Variants in ATP8A2 observed in about 807,000 individuals in gnomAD.
ATP8A2 encodes the protein ATPase phospholipid transporting 8A2, also known as phospholipid-transporting ATPase IB.
In ATP8A2, 100 loss-of-function variants were observed where a neutral mutation model predicts 165.6. The ratio of observed to expected loss-of-function variants is 0.60; its 90% CI spans 0.51 to 0.71. The LOEUF is 0.71. Ranked by LOEUF, ATP8A2 falls within the 30% of genes least tolerant of loss-of-function variation. The pLI is 0.00. For synonymous variants in ATP8A2, 543 were observed against 548.8 expected, an observed-to-expected ratio of 0.99 and a Z score of 0.15; for missense variants, 1,227 against 1,479.5, an observed-to-expected ratio of 0.83 and a Z score of 2.80.
At chr13:25,731,937 A>G (rs994849906) in intron 25 of ATP8A2, among the ~76,000 whole-genome samples, 10 of 152,202 alleles carry the variant, frequency 6.6e-5, no homozygotes, top group African/African-American at 2.4e-4. Flanking sequence ...AAGATGATAA[A>G]TGGAAACTGG....
intron 24 of ATP8A2, among the ~76,000 whole-genome samples, chr13:25,666,536 G>A (rs994350985): frequency 5.9e-5 from 9 of 152,102 alleles, no homozygotes; most frequent in African/African-American, 9.7e-5. Context: ...CACCACGCCC[G>A]GCCAGAATAT....
intron 1 of ATP8A2, among the ~76,000 whole-genome samples, chr13:25,442,214 A>T (rs150281088): frequency 6.6e-6 from 1 of 152,324 alleles, no homozygotes; most frequent in African/African-American, 2.4e-5. Flanking sequence ...GGGTGTACAA[A>T]TATATCTTTG....
intron 33 of ATP8A2, among the ~76,000 whole-genome samples, 192 bp downstream of exon 33, chr13:25,862,600 A>G (rs2138767242): frequency 6.6e-6 from 1 of 152,354 alleles, no homozygotes; most frequent in African/African-American, 2.4e-5. Flanking sequence ...TCCAGTCCAC[A>G]GAAAAGGCAT....
chr13:25,822,939 T>A (rs937458945), intron 27 of ATP8A2, among the ~76,000 whole-genome samples: 10 of 152,240 alleles, frequency 6.6e-5, no homozygotes, highest in African/African-American at 2.4e-4. Flanking sequence ...CTTTTCCAAA[T>A]ACTATGGTAA....
chr13:25,420,668 AC>A (rs1211491277), intron 1 of ATP8A2, among the ~76,000 whole-genome samples: 1 of 152,214 alleles, frequency 6.6e-6, no homozygotes, highest in East Asian at 1.9e-4. Context: ...TACCTATGTA[AC>A]AAGCCTGCAC....
At chr13:25,511,527 C>T (rs945301425) in intron 2 of ATP8A2, among the ~76,000 whole-genome samples, 1 of 152,092 alleles carries the variant, frequency 6.6e-6, no homozygotes, top group Non-Finnish European at 1.5e-5. Flanking sequence ...TGTTGAAGAA[C>T]ATCTTGCAGT....
chr13:25,531,300 TATATATG>T (rs1566229526), intron 4 of ATP8A2, among the ~76,000 whole-genome samples: 1 of 111,712 alleles, frequency 9.0e-6, no homozygotes, highest in African/African-American at 3.7e-5. Context: ...ATATATATGT[TATATATG>T]ATATATATGT....
chr13:25,762,881 A>G (rs964491093), intron 25 of ATP8A2, among the ~76,000 whole-genome samples: 1 of 152,220 alleles, frequency 6.6e-6, no homozygotes, highest in African/African-American at 2.4e-5. Flanking sequence ...TAAAAAGTGA[A>G]TTCTTAAAAC....
In ATP8A2 at chr13:25,914,447, A is replaced by G. The variant is rs940578437; in HGVS notation, c.3184-47128A>G. Among the ~76,000 whole-genome samples the G allele has an allele frequency of 2.6e-5, 4 of 152,140 alleles. No individual in the cohort carries two copies. The East Asian group carries it at 5.8e-4, about 22-fold the overall frequency. ...TTGAAAATAAAATCTATTTTCTACAACCTGTGTACTGATGAGCACCCTTAT... is the reference window on the plus strand; with the variant it reads ...TTGAAAATAAAATCTATTTTCTACAGCCTGTGTACTGATGAGCACCCTTAT... On this transcript the variant is annotated intron_variant, in intron 33 of 36. Coordinates refer to ENST00000381655, the MANE Select transcript of ATP8A2 (RefSeq NM_016529.6).
intron 26 of ATP8A2, among the ~76,000 whole-genome samples, chr13:25,772,792 T>C (rs2044653615): frequency 6.6e-6 from 1 of 152,000 alleles, no homozygotes; most frequent in Non-Finnish European, 1.5e-5. Context: ...TCACTCATGT[T>C]GCCCAGGCTG....
At chr13:25,630,821 A>C (rs76871393) in intron 24 of ATP8A2, among the ~76,000 whole-genome samples, 5,223 of 152,172 alleles carry the variant, frequency 0.034, 154 homozygotes, top group East Asian at 0.13. Context: ...ACCAAAGGCA[A>C]CTGCATCATC....
At chr13:25,803,247 G>A (rs1010994714) in intron 27 of ATP8A2, among the ~76,000 whole-genome samples, 1 of 152,112 alleles carries the variant, frequency 6.6e-6, no homozygotes, top group Non-Finnish European at 1.5e-5. Flanking sequence ...TATGTGGTCA[G>A]GTTTCATGGC....
intron 2 of ATP8A2, among the ~76,000 whole-genome samples, chr13:25,484,040 A>C (rs1463978402): frequency 6.6e-6 from 1 of 152,212 alleles, no homozygotes; most frequent in Admixed American, 6.5e-5. Context: ...TCTTTTGTAC[A>C]TATATGTTTT....
At chr13:25,528,777 C>T (rs61948614) in intron 2 of ATP8A2, among the ~76,000 whole-genome samples, 28,388 of 65,726 alleles carry the variant, frequency 0.43, 6,413 homozygotes, top group African/African-American at 0.56. Flanking sequence ...TGTGTATGCA[C>T]ACATATGCAA....
At chr13:25,674,851 C>A (rs2042340849) in intron 24 of ATP8A2, among the ~76,000 whole-genome samples, 1 of 152,196 alleles carries the variant, frequency 6.6e-6, no homozygotes. Context: ...TAGAATTAAA[C>A]CAAATCCAAA....
intron 33 of ATP8A2, chr13:25,880,776 A>C: frequency 2.6e-6 from 1 of 391,160 alleles, no homozygotes; most frequent in South Asian, 2.0e-5. Flanking sequence ...AGCATAAGTT[A>C]ATCTTTTCAA....
At chr13:25,616,695 A>G (rs566241580) in intron 24 of ATP8A2, among the ~76,000 whole-genome samples, 1 of 152,202 alleles carries the variant, frequency 6.6e-6, no homozygotes, top group South Asian at 2.1e-4. Flanking sequence ...ATAATTTCCT[A>G]TTTGGGAGCT....
At chr13:25,469,991 A>G (rs2035799258) in intron 2 of ATP8A2, among the ~76,000 whole-genome samples, 2 of 152,238 alleles carry the variant, frequency 1.3e-5, no homozygotes, top group African/African-American at 4.8e-5. Flanking sequence ...GCTTGGGTGT[A>G]GAGAAGTTCA....
At chr13:25,421,243 C>T (rs1184801863) in intron 1 of ATP8A2, among the ~76,000 whole-genome samples, 1 of 152,180 alleles carries the variant, frequency 6.6e-6, no homozygotes, top group Non-Finnish European at 1.5e-5. Flanking sequence ...TTTCTAGGTC[C>T]TTCCAGAGCT....
Sources: allele counts gnomAD v4.1 joint callset (sites outside exome capture counted in the v4.1 genomes callset), GRCh38; gene constraint gnomAD v4.1.1; transcripts MANE v1.5; gene names NCBI Gene and HGNC (gene_info 2026-07-23, HGNC 2026-07-21).